POLR3A: variants seen among roughly 807,000 people sequenced by gnomAD.
POLR3A encodes RNA polymerase III subunit A, also known as DNA-directed RNA polymerase III subunit RPC1.
In POLR3A, 112 loss-of-function variants were observed where a neutral mutation model predicts 152.8. That is an observed-to-expected ratio of 0.73 (90% CI 0.63 to 0.86). POLR3A has a LOEUF of 0.86. POLR3A is among the 40% of genes least tolerant of loss of function. The probability of loss-of-function intolerance (pLI) is 0.00; values close to 1 mark genes in which losing one functional copy is unlikely to be tolerated. For missense variants in POLR3A, 1,385 were observed against 1,743.1 expected (o/e 0.79, Z 3.66); for synonymous variants, 615 against 652.1 (o/e 0.94, Z 0.87).
chr10:78,009,319 G>A (rs1056564663), intron 14 of POLR3A, among the ~76,000 whole-genome samples: 7 of 151,994 alleles, frequency 4.6e-5, no homozygotes, highest in East Asian at 3.9e-4. Flanking sequence ...TAACCACTGC[G>A]TCATGTGTCT....
In POLR3A at chr10:77,977,380, C is replaced by A; in HGVS notation, c.*98G>T. The A allele has an allele frequency of 7.8e-7, 1 of 1,288,800 alleles. No homozygotes were observed. Among genetic ancestry groups the A allele is most frequent in the South Asian group, 1.2e-5 (1 of 84,084 alleles). The allele number at this position is 1,288,800 out of a possible 1,614,324, so 79.8% of individuals were successfully genotyped here. On this transcript the variant is annotated 3_prime_UTR_variant, in exon 31 of 31. Coordinates refer to ENST00000372371, the MANE Select transcript of POLR3A (RefSeq NM_007055.4). ...CTCTGATTGCTGGCATAGGTGGGGA[C>A]CTCAGGACCCCCGTCCCAGGGAGCA...
intron 19 of POLR3A, among the ~76,000 whole-genome samples, chr10:77,999,761 G>A (rs1278808435): frequency 6.6e-6 from 1 of 152,140 alleles, no homozygotes; most frequent in African/African-American, 2.4e-5. Context: ...TGCTATGCGT[G>A]GCTCTGGCCT....
At position 77,986,031 on chromosome 10, in the gene POLR3A, A is replaced by G. The variant is rs3815891; in HGVS notation, c.2988+42T>C. On this transcript the variant is annotated intron_variant, in intron 22 of 30. Transcript: ENST00000372371. ...CACAGAGTTAGGGCCAGCGGCAACT[A>G]CAAACAGCTCGGGGTTCTAACGCGT... 0.054 allele frequency: 87,011 copies of G among 1,596,580 alleles called. 6,390 individuals are homozygous for G. The highest frequency in any genetic ancestry group is 0.3 in the African/African-American group (22,072 of 74,404).
chr10:78,001,636 C>G (rs181956622), intron 17 of POLR3A, among the ~76,000 whole-genome samples: 60 of 152,162 alleles, frequency 3.9e-4, no homozygotes, highest in African/African-American at 1.3e-3. Context: ...GCTTTGAGGG[C>G]CTCGGTATCT....
Position 77,976,197 on chromosome 10 carries a change from T to C in POLR3A, c.*1281A>G, listed in dbSNP as rs1436399946. 6.6e-6 allele frequency: 1 copy of C among 151,892 alleles called. No individual in the cohort carries two copies. 9.4% of individuals were successfully genotyped at this position (151,892 alleles called of 1,614,324 possible). ...CAGGCTGGAGTGTAGTGGCACGATC[T>C]TGGCTCACTACAACCTCCACCTCCC... On this transcript the variant is annotated 3_prime_UTR_variant, in exon 31 of 31. Coordinates refer to ENST00000372371, the MANE Select transcript of POLR3A (RefSeq NM_007055.4).
chr10:78,028,715 C>A (rs1847660897), intron 1 of POLR3A, among the ~76,000 whole-genome samples: 1 of 151,996 alleles, frequency 6.6e-6, no homozygotes, highest in Non-Finnish European at 1.5e-5. Flanking sequence ...GTTGCCCAGG[C>A]TAGTCTCAAA....
In POLR3A at chr10:78,009,682, G is replaced by C. The variant is rs201314157; in HGVS notation, c.1771-7C>G. The C allele has an allele frequency of 9.3e-5, 150 of 1,614,136 alleles. No individual in the cohort carries two copies. Among genetic ancestry groups the C allele is most frequent in the Admixed American group, 1.2e-4 (7 of 60,012 alleles). On this transcript the variant is annotated splice_polypyrimidine_tract_variant and splice_region_variant and intron_variant, in intron 13 of 30. Coordinates refer to ENST00000372371, the MANE Select transcript of POLR3A (RefSeq NM_007055.4). ...CCGTCCACAGGGTGACAGGCTGAGG[G>C]GGGGAGGAAGCCTGAGAGTCAGTGG...
chr10:78,010,326 G>C (rs1316633643), intron 12 of POLR3A, 145 bp downstream of exon 12: 9 of 739,784 alleles, frequency 1.2e-5, no homozygotes, highest in Non-Finnish European at 1.9e-5. Flanking sequence ...CCCACGGGGA[G>C]GTTCATGATC....
Position 77,983,776 on chromosome 10 carries a change from G to T in POLR3A, c.3429+144C>A. The T allele has an allele frequency of 7.2e-6, 5 of 696,456 alleles. No individual in the cohort carries two copies. The South Asian group carries it at 7.7e-5, about 11-fold the overall frequency. The allele number at this position is 696,456 out of a possible 1,614,324, so 43.1% of individuals were successfully genotyped here. On this transcript the variant is annotated intron_variant, in intron 26 of 30. Coordinates refer to ENST00000372371, the MANE Select transcript of POLR3A (RefSeq NM_007055.4). ...CAGGTTTAGAAAGAAAATGTGAGGG[G>T]ACAACAGAATCACAAAAACCAGAAA...
rs199559258 is a variant in POLR3A at position 77,983,998 on chromosome 10, A to T, written c.3351T>A (p.Ile1117=). Residue 1117 remains isoleucine, a synonymous_variant, in exon 26 of 31, where the codon ATT becomes ATA. Coordinates refer to ENST00000372371, the MANE Select transcript of POLR3A (RefSeq NM_007055.4). The part of the protein sequence containing the change: ...KTLLGEISEY[I]EEVFLPDDCF... Reference sequence around the variant, plus strand: ...AGTCATCAGGAAGAAACACTTCTTCAATATACTCGGAAATCTGGAGTGTCA... The same window carrying T: ...AGTCATCAGGAAGAAACACTTCTTCTATATACTCGGAAATCTGGAGTGTCA... 2.9e-3 allele frequency: 4,699 copies of T among 1,608,552 alleles called. 130 individuals carry two copies. In the South Asian group the frequency reaches 0.048, roughly 17 times the overall value.
intron 21 of POLR3A, among the ~76,000 whole-genome samples, chr10:77,987,488 T>C (rs1375880490): frequency 6.6e-6 from 1 of 151,816 alleles, no homozygotes; most frequent in Non-Finnish European, 1.5e-5. Context: ...CCTCATGAGG[T>C]TCTGTTTCTT....
chr10:78,024,602 C>T lies in POLR3A; in HGVS notation c.592G>A (p.Glu198Lys). 1.2e-6 allele frequency: 2 copies of T among 1,614,046 alleles called. No individual in the cohort carries two copies. Among genetic ancestry groups the T allele is most frequent in the Middle Eastern group, 1.7e-4 (1 of 6,030 alleles). The change falls in exon 5 of 31, where the codon GAA becomes AAA. Residue 198 changes from glutamate (E) to lysine (K), a missense_variant. This residue lies in a region of POLR3A where 493 missense variants were observed against 647.5 expected (regional missense o/e 0.76). Transcript: ENST00000372371. ...TCTTTATTATGTTCAATGGCTGTTT[C>T]AAAAGACTGAAGGAAATTTGATACA... is the stretch of plus-strand genomic sequence containing the variant. ...PIVSNFLQSF[E>K]TAIEHNKEVE...
At chr10:77,983,168 G>A (rs952330509) in intron 26 of POLR3A, among the ~76,000 whole-genome samples, 23 of 152,152 alleles carry the variant, frequency 1.5e-4, no homozygotes, top group Non-Finnish European at 1.9e-4. Context: ...CCCTTTACCT[G>A]ACACTTTCAC....
intron 2 of POLR3A, 107 bp downstream of exon 2, chr10:78,025,987 G>C (rs2131961818): frequency 7.2e-7 from 1 of 1,392,164 alleles, no homozygotes; most frequent in Non-Finnish European, 1.0e-6. Context: ...ATGTGCAGGG[G>C]GGAATTGAGG....
chr10:78,021,777 C>T, intron 7 of POLR3A, 83 bp downstream of exon 7: 4 of 1,608,558 alleles, frequency 2.5e-6, no homozygotes, highest in Non-Finnish European at 3.4e-6. Flanking sequence ...CTGTGACCTC[C>T]AATCAGAGAA....
Position 77,982,308 on chromosome 10 carries a change from T to C in POLR3A, c.3605A>G (p.Gln1202Arg), listed in dbSNP as rs770239831. The change falls in exon 28 of 31, where the codon CAG (glutamine) becomes CGG (arginine). Residue 1202 changes from glutamine (Q) to arginine (R), a missense_variant. Physicochemically the swap from Gln to Arg is conservative, Grantham distance 43. Around this residue, in one of 7 missense-constraint regions of POLR3A, gnomAD observed 332 missense variants for 400.1 expected, o/e 0.83. Coordinates refer to ENST00000372371, the MANE Select transcript of POLR3A (RefSeq NM_007055.4). The part of the protein sequence containing the change: ...LKEDLPKVVV[Q>R]GIPEVSRAVI... ...AGCTCTGGACACCTCTGGAATGCCC[T>C]GCACCACCACCTGGATTCAGAGACA... The C allele has an allele frequency of 1.2e-6, 2 of 1,614,024 alleles. No individual in the cohort carries two copies. Among genetic ancestry groups the C allele is most frequent in the Non-Finnish European group, 1.7e-6 (2 of 1,179,972 alleles).
At chr10:78,012,519 G>A (rs1040182129) in intron 11 of POLR3A, among the ~76,000 whole-genome samples, 7 of 152,146 alleles carry the variant, frequency 4.6e-5, no homozygotes, top group African/African-American at 1.4e-4. Flanking sequence ...TGATTTTGGA[G>A]GTAGGGACAC....
intron 17 of POLR3A, among the ~76,000 whole-genome samples, chr10:78,001,327 G>A (rs931116365): frequency 6.6e-6 from 1 of 152,140 alleles, no homozygotes; most frequent in African/African-American, 2.4e-5. Flanking sequence ...GGAAAGGCTG[G>A]GGAAGTGACA....
chr10:78,025,065 G>A lies in POLR3A; in HGVS notation c.396C>T (p.Pro132=), dbSNP rs143082293. Residue 132 remains proline, a synonymous_variant, in exon 4 of 31, where the codon CCC becomes CCT. Coordinates refer to ENST00000372371, the MANE Select transcript of POLR3A (RefSeq NM_007055.4). Reference sequence around the variant, plus strand: ...CTCGCTTCTGAAGGTAGGTCAGGCCGGGCCTCTTTAGATAGTCCAGAAACT... The same window carrying A: ...CTCGCTTCTGAAGGTAGGTCAGGCCAGGCCTCTTTAGATAGTCCAGAAACT... ...KKQFLDYLKR[P]GLTYLQKRGL... 99 of 1,613,970 alleles carry A rather than the reference G, an allele frequency of 6.1e-5. No homozygotes were observed. The highest frequency in any genetic ancestry group is 3.7e-4 in the African/African-American group (28 of 74,894).
Sources: gnomAD v4.1 joint callset for allele counts (sites outside exome capture counted in the v4.1 genomes callset) on GRCh38, gnomAD v4.1.1 for gene constraint, gnomAD v4.1.1 regional missense constraint, MANE v1.5 for transcripts, NCBI Gene and HGNC (gene_info 2026-07-23, HGNC 2026-07-21) for gene names.